The following DSTYK variants were observed in gnomAD, a reference collection of about 807,000 sequenced individuals.
DSTYK encodes the protein dual serine/threonine and tyrosine protein kinase.
DSTYK carries 34 observed loss-of-function variants against 98.7 expected under a neutral mutation model. That is an observed-to-expected ratio of 0.34 (90% CI 0.26 to 0.46). The LOEUF (loss-of-function observed/expected upper bound fraction) is 0.46. DSTYK is among the 20% of genes least tolerant of loss of function. DSTYK has a pLI of 1.00. For synonymous variants in DSTYK, 462 were observed against 457.3 expected (o/e 1.01, Z -0.13); for missense variants, 962 against 1,181.7 (o/e 0.81, Z 2.73).
At chr1:205,209,431 C>T (rs962121891) in intron 1 of DSTYK, among the ~76,000 whole-genome samples, 1 of 152,098 alleles carries the variant, frequency 6.6e-6, no homozygotes, top group Non-Finnish European at 1.5e-5. Context: ...GTTCTCTCTA[C>T]AAGTCCATTC....
intron 10 of DSTYK, among the ~76,000 whole-genome samples, chr1:205,153,867 CTTT>C (rs771169377): frequency 1.5e-5 from 2 of 132,652 alleles, no homozygotes; most frequent in Non-Finnish European, 1.6e-5. Context: ...GCCTGGCTAA[CTTT>C]TTTTTTTTTT....
intron 1 of DSTYK, among the ~76,000 whole-genome samples, chr1:205,201,700 T>C (rs888238509): frequency 6.6e-6 from 1 of 152,160 alleles, no homozygotes; most frequent in Non-Finnish European, 1.5e-5. Context: ...GAGTAAAACA[T>C]ACTCTTTACC....
In DSTYK at chr1:205,157,229, C is replaced by A. The variant is rs780700974; in HGVS notation, c.2352+44G>T. ...ACATGTACCCTCCAAAATCACTCAGCCACAGAGGTAGGGTATAATCTTGGG... is the reference window on the plus strand; with the variant it reads ...ACATGTACCCTCCAAAATCACTCAGACACAGAGGTAGGGTATAATCTTGGG... On this transcript the variant is annotated intron_variant, in intron 10 of 12. Transcript: ENST00000367162. The A allele has an allele frequency of 5.2e-6, 8 of 1,544,402 alleles. No homozygotes were observed. The East Asian group carries it at 1.6e-4, about 30-fold the overall frequency.
intron 11 of DSTYK, among the ~76,000 whole-genome samples, chr1:205,148,928 G>T (rs1490709088): frequency 6.0e-5 from 9 of 148,766 alleles, no homozygotes; most frequent in African/African-American, 2.2e-4. Flanking sequence ...TTGAGATGGA[G>T]TTTGACTCTT....
At chr1:205,163,224 T>A (rs578241492) in intron 4 of DSTYK, among the ~76,000 whole-genome samples, 25 of 151,950 alleles carry the variant, frequency 1.6e-4, no homozygotes, top group Admixed American at 7.9e-4. Flanking sequence ...TTTTTATTTT[T>A]TTTTTTATTT....
At chr1:205,170,843 C>T (rs911997427) in intron 2 of DSTYK, among the ~76,000 whole-genome samples, 5 of 151,968 alleles carry the variant, frequency 3.3e-5, no homozygotes, top group African/African-American at 1.2e-4. Flanking sequence ...GTCCTTCTTC[C>T]TGCTTGGAGC....
At chr1:205,154,410 T>C (rs540011439) in intron 10 of DSTYK, among the ~76,000 whole-genome samples, 2 of 152,082 alleles carry the variant, frequency 1.3e-5, no homozygotes, top group East Asian at 1.9e-4. Flanking sequence ...AAGGGGTTTT[T>C]CCCCCCCTTT....
intron 1 of DSTYK, among the ~76,000 whole-genome samples, chr1:205,196,193 CA>C (rs1558623874): frequency 6.6e-6 from 1 of 152,118 alleles, no homozygotes; most frequent in East Asian, 1.9e-4. Context: ...ATTAAATAAA[CA>C]AGAGAAAAGG....
At chr1:205,171,649 T>G (rs964685523) in intron 2 of DSTYK, among the ~76,000 whole-genome samples, 4 of 152,128 alleles carry the variant, frequency 2.6e-5, no homozygotes, top group African/African-American at 7.2e-5. Flanking sequence ...TCTCTGACAT[T>G]GTCTACTTTG....
At chr1:205,159,866 G>C (rs1657667000) in intron 8 of DSTYK, 187 bp from the exon 9 acceptor site, 2 of 815,032 alleles carry the variant, frequency 2.5e-6, no homozygotes, top group East Asian at 2.7e-5. Flanking sequence ...AAGAATCCTG[G>C]ATTCTAAAAA....
intron 8 of DSTYK, 25 bp from the exon 9 acceptor site, chr1:205,159,704 G>A: frequency 6.2e-7 from 1 of 1,612,126 alleles, no homozygotes; most frequent in South Asian, 1.1e-5. Context: ...AGAGATCTGG[G>A]CTACAAGGCT....
chr1:205,182,755 G>A (rs568675638), intron 2 of DSTYK, among the ~76,000 whole-genome samples: 62 of 151,378 alleles, frequency 4.1e-4, no homozygotes, highest in Admixed American at 1.4e-3. Context: ...GCAGCGAGCC[G>A]AGATTGCGTC....
At chr1:205,197,244 C>T (rs890160699) in intron 1 of DSTYK, among the ~76,000 whole-genome samples, 1 of 151,874 alleles carries the variant, frequency 6.6e-6, no homozygotes, top group Non-Finnish European at 1.5e-5. Context: ...ATTTGGCGAG[C>T]TGTATGGTGA....
chr1:205,147,971 G>A (rs942545684), intron 12 of DSTYK, among the ~76,000 whole-genome samples: 1 of 152,094 alleles, frequency 6.6e-6, no homozygotes, highest in African/African-American at 2.4e-5. Context: ...ATTAGCATAT[G>A]AAGTTGAAGA....
At chr1:205,210,643 C>T (rs145376750) in intron 1 of DSTYK, among the ~76,000 whole-genome samples, 1 of 152,322 alleles carries the variant, frequency 6.6e-6, no homozygotes, top group Non-Finnish European at 1.5e-5. Context: ...GATCCCTTCC[C>T]TCTCTTCTTC....
intron 1 of DSTYK, 93 bp downstream of exon 1, chr1:205,211,178 G>A (rs1659361718): frequency 2.0e-6 from 3 of 1,469,508 alleles, no homozygotes; most frequent in Admixed American, 4.8e-5. Flanking sequence ...CCGCCTGCCC[G>A]AGAAGACTCG....
At chr1:205,172,606 T>C (rs760987693) in intron 2 of DSTYK, among the ~76,000 whole-genome samples, 1 of 152,128 alleles carries the variant, frequency 6.6e-6, no homozygotes, top group Non-Finnish European at 1.5e-5. Context: ...TGAACCACTG[T>C]GCCCAGCCTT....
chr1:205,180,450 T>C lies in DSTYK; in HGVS notation c.654+6968A>G, dbSNP rs568024314. On this transcript the variant is annotated intron_variant, in intron 2 of 12. Transcript: ENST00000367162. ...CCTGCAAAGGACATGAACTCATTCT[T>C]TTTTATGGCCACACAGGATGTTTTT... is the stretch of plus-strand genomic sequence containing the variant. 1.2e-4 allele frequency among the ~76,000 whole-genome samples: 18 copies of C among 152,280 alleles called. No individual in the cohort carries two copies. The East Asian group carries it at 3.3e-3, about 28-fold the overall frequency.
intron 3 of DSTYK, among the ~76,000 whole-genome samples, chr1:205,168,445 C>T (rs1465112516): frequency 1.3e-5 from 2 of 152,134 alleles, no homozygotes; most frequent in Non-Finnish European, 2.9e-5. Context: ...TGTCAGAAAT[C>T]GTGAGTAAGT....
Sources: allele counts gnomAD v4.1 joint callset (sites outside exome capture counted in the v4.1 genomes callset), GRCh38; gene constraint gnomAD v4.1.1; transcripts MANE v1.5; gene names NCBI Gene and HGNC (gene_info 2026-07-23, HGNC 2026-07-21).